TKTL1: variants seen among roughly 807,000 people sequenced by gnomAD.
TKTL1 encodes transketolase like 1.
A neutral mutation model predicts 39.3 loss-of-function variants in TKTL1; 1 was observed. That is an observed-to-expected ratio of 0.03 (90% CI 0.01 to 0.12). The LOEUF (loss-of-function observed/expected upper bound fraction) is 0.12. TKTL1 is among the 10% of genes least tolerant of loss of function. The pLI, the probability that TKTL1 is intolerant of heterozygous loss-of-function variation, is 1.00. For missense variants in TKTL1, 575 were observed against 509.6 expected, an observed-to-expected ratio of 1.13 and a Z score of -1.24; for synonymous variants, 262 against 193.8, an observed-to-expected ratio of 1.35 and a Z score of -2.92.
chrX:154,325,408 A>G lies in TKTL1; in HGVS notation c.1387A>G (p.Ile463Val). 1.7e-6 allele frequency: 2 copies of G among 1,210,937 alleles called. No individual in the cohort carries two copies. Among genetic ancestry groups the G allele is most frequent in the South Asian group, 1.8e-5 (1 of 56,982 alleles). ...VIYTPQERFEIGQAKVLRHCV... is the reference protein window; with the variant it reads ...VIYTPQERFEVGQAKVLRHCV... ...TTACACCCCACAAGAACGCTTTGAG[A>G]TCGGACAGGCCAAGGTAAGGGCTTA... Residue 463 changes from isoleucine (I) to valine (V), a missense_variant, in exon 10 of 13, where the codon ATC (isoleucine) becomes GTC (valine). Ile to Val is a conservative substitution (Grantham distance 29, BLOSUM62 3). Transcript: ENST00000369915.
chrX:154,325,082 A>G (rs868957125), intron 9 of TKTL1, among the ~76,000 whole-genome samples: 4 of 112,128 alleles, frequency 3.6e-5, no homozygotes, highest in Non-Finnish European at 7.5e-5. Context: ...CTGTCTGCAC[A>G]GAACAAGTCA....
chrX:154,319,607 C>T (rs782218400), intron 7 of TKTL1, among the ~76,000 whole-genome samples: 62 of 110,995 alleles, frequency 5.6e-4, no homozygotes, highest in African/African-American at 1.3e-3. Flanking sequence ...GACGTGGTGG[C>T]GGGTGCCTGT....
intron 2 of TKTL1, among the ~76,000 whole-genome samples, chrX:154,307,455 A>C (rs148248933): frequency 0.033 from 3,751 of 112,436 alleles, 163 homozygotes; most frequent in African/African-American, 0.11. Context: ...CAGGCAGAGC[A>C]GATCTTTATT....
intron 1 of TKTL1, among the ~76,000 whole-genome samples, chrX:154,302,045 G>A (rs1235747078): frequency 2.7e-4 from 30 of 110,521 alleles, no homozygotes; most frequent in African/African-American, 9.9e-4. Context: ...ATTGGCATTT[G>A]TGTCATCACA....
chrX:154,313,478 G>A (rs1164584164), intron 6 of TKTL1, among the ~76,000 whole-genome samples: 4 of 112,184 alleles, frequency 3.6e-5, no homozygotes, highest in East Asian at 2.8e-4. Flanking sequence ...GAAGTAAGGC[G>A]GCGAGCCTAG....
intron 12 of TKTL1, among the ~76,000 whole-genome samples, chrX:154,328,680 G>A (rs782129352): frequency 6.4e-5 from 7 of 108,582 alleles, no homozygotes; most frequent in East Asian, 2.9e-4. Context: ...CAGTGTTTGC[G>A]CCTGGAAAGG....
At chrX:154,310,637 C>T (rs1425905168) in intron 3 of TKTL1, among the ~76,000 whole-genome samples, 199 bp from the exon 4 acceptor site, 1 of 112,082 alleles carries the variant, frequency 8.9e-6, no homozygotes, top group Non-Finnish European at 1.9e-5. Flanking sequence ...GAGGTAAAGC[C>T]TGCTTGTGAG....
At chrX:154,305,040 T>C (rs781809478) in intron 1 of TKTL1, 3 of 1,100,660 alleles carry the variant, frequency 2.7e-6, no homozygotes, top group Non-Finnish European at 1.2e-6. Flanking sequence ...AGAATACTCA[T>C]GTCAGAGGCA....
chrX:154,323,098 G>A (rs1248313980), intron 8 of TKTL1, 109 bp from the exon 9 acceptor site: 11 of 1,011,644 alleles, frequency 1.1e-5, no homozygotes, highest in Non-Finnish European at 1.5e-5. Context: ...TACAGCTCGG[G>A]ACACCCCGTG....
chrX:154,324,121 T>A (rs1370616525), intron 9 of TKTL1, among the ~76,000 whole-genome samples: 1 of 111,309 alleles, frequency 9.0e-6, no homozygotes, highest in African/African-American at 3.3e-5. Context: ...TAGGTACTTT[T>A]TTGTGTGGTT....
intron 9 of TKTL1, among the ~76,000 whole-genome samples, chrX:154,324,720 T>C (rs967561702): frequency 2.7e-5 from 3 of 111,702 alleles, no homozygotes; most frequent in African/African-American, 6.5e-5. Flanking sequence ...AGCTGAGTTA[T>C]GCCTCGGTGA....
At chrX:154,304,445 T>TA (rs371373360) in intron 1 of TKTL1, among the ~76,000 whole-genome samples, 186 of 110,058 alleles carry the variant, frequency 1.7e-3, no homozygotes, top group African/African-American at 6.0e-3. Flanking sequence ...GCTTTTTTTT[T>TA]ATCAGGCTGG....
intron 6 of TKTL1, 150 bp from the exon 7 acceptor site, chrX:154,315,023 C>T: frequency 3.4e-6 from 2 of 583,603 alleles, no homozygotes; most frequent in Non-Finnish European, 5.2e-6. Context: ...ATGTTTATGA[C>T]ATTAAAGGAA....
At chrX:154,324,082 T>A (rs894578151) in intron 9 of TKTL1, among the ~76,000 whole-genome samples, 8 of 112,230 alleles carry the variant, frequency 7.1e-5, no homozygotes, top group African/African-American at 1.9e-4. Context: ...TTTTTTTTTT[T>A]ATAAGTGGGC....
chrX:154,327,627 A>G lies in TKTL1; in HGVS notation c.1438A>G (p.Ile480Val), dbSNP rs781955545. 1 of 1,211,117 alleles carries G rather than the reference A, an allele frequency of 8.3e-7. No homozygotes were observed. The highest frequency in any genetic ancestry group is 1.1e-6 in the Non-Finnish European group (1 of 895,107). Residue 480 changes from isoleucine (I) to valine (V), a missense_variant, in exon 11 of 13, where the codon ATT becomes GTT. By Grantham distance (29) the Ile-to-Val change is conservative. Transcript: ENST00000369915. ...CTGTGTCAGTGACAAGGTCACAGTTATTGGAGCTGGAATTACTGTGTATGA... is the reference window on the plus strand; with the variant it reads ...CTGTGTCAGTGACAAGGTCACAGTTGTTGGAGCTGGAATTACTGTGTATGA... The part of the protein sequence containing the change: ...RHCVSDKVTV[I>V]GAGITVYEAL...
intron 7 of TKTL1, among the ~76,000 whole-genome samples, chrX:154,319,567 C>T (rs902546825): frequency 4.5e-5 from 5 of 111,288 alleles, no homozygotes; most frequent in Admixed American, 9.5e-5. Context: ...GGTGAAACCT[C>T]GTCCCTACTA....
At chrX:154,315,914 C>T (rs2067395792) in intron 7 of TKTL1, among the ~76,000 whole-genome samples, 1 of 111,456 alleles carries the variant, frequency 9.0e-6, no homozygotes, top group Non-Finnish European at 1.9e-5. Flanking sequence ...TGCACACAAG[C>T]GCACCCCTCT....
intron 8 of TKTL1, among the ~76,000 whole-genome samples, chrX:154,321,929 C>T (rs1250143917): frequency 9.1e-6 from 1 of 109,405 alleles, no homozygotes; most frequent in African/African-American, 3.3e-5. Context: ...GTCCTTGAGC[C>T]CACCTGTGGC....
Position 154,301,755 on chromosome X carries a change from CT to C in TKTL1, c.135-3532del, listed in dbSNP as rs782331518. Among the ~76,000 whole-genome samples, 734 of 90,421 alleles carry C rather than the reference CT, an allele frequency of 8.1e-3. 7 individuals are homozygous for C. Among genetic ancestry groups the C allele is most frequent in the African/African-American group, 0.02 (484 of 24,643 alleles). The allele number at this position is 90,421 out of a possible 115,157, so 78.5% of individuals were successfully genotyped here. On this transcript the variant is annotated intron_variant, in intron 1 of 12. Transcript: ENST00000369915. ...AGAGGTTTTAGTCCCCATTTTCTTT[CT>C]TTTTTTTTTTTTTTTTAGTAGAGAC...
Sources: gnomAD v4.1 joint callset for allele counts (sites outside exome capture counted in the v4.1 genomes callset) on GRCh38, gnomAD v4.1.1 for gene constraint, MANE v1.5 for transcripts, NCBI Gene and HGNC (gene_info 2026-07-23, HGNC 2026-07-21) for gene names.